Variants in NUBPL observed in about 807,000 individuals in gnomAD.
NUBPL encodes NUBP iron-sulfur cluster assembly factor, mitochondrial, also known as iron-sulfur cluster transfer protein NUBPL.
NUBPL carries 31 observed loss-of-function variants against 45.7 expected under a neutral mutation model. The observed-to-expected ratio is 0.68, with a 90% CI of 0.51 to 0.92. The LOEUF is 0.92. Ranked by LOEUF, NUBPL falls within the 40% of genes least tolerant of loss-of-function variation. The pLI is 0.00. For synonymous variants in NUBPL, 144 were observed against 140.9 expected, an observed-to-expected ratio of 1.02 and a Z score of -0.15; for missense variants, 401 against 398.7, an observed-to-expected ratio of 1.01 and a Z score of -0.05.
chr14:31,621,226 G>A (rs1195589746), intron 4 of NUBPL, among the ~76,000 whole-genome samples: 3 of 152,334 alleles, frequency 2.0e-5, no homozygotes, highest in Non-Finnish European at 2.9e-5. Flanking sequence ...GCTCCGTGGG[G>A]TGGGACTTGC....
chr14:31,812,240 C>G lies in NUBPL; in HGVS notation c.608-14389C>G, dbSNP rs187207914. Among the ~76,000 whole-genome samples the G allele has an allele frequency of 1.8e-3, 280 of 152,306 alleles. 1 individual carries two copies. The highest frequency in any genetic ancestry group is 6.4e-3 in the African/African-American group (266 of 41,576). ...TGCGTTTTGTTCAGCTATGCCCTGC[C>G]TCTAGAGGTGGAGCCTACAGAGACA... On this transcript the variant is annotated intron_variant, in intron 7 of 10. Coordinates refer to ENST00000281081, the MANE Select transcript of NUBPL (RefSeq NM_025152.3).
intron 7 of NUBPL, among the ~76,000 whole-genome samples, chr14:31,799,381 G>C (rs570881046): frequency 6.6e-6 from 1 of 152,262 alleles, no homozygotes; most frequent in Non-Finnish European, 1.5e-5. Context: ...TAATCAGAAA[G>C]ATATTTAGTA....
At chr14:31,654,231 A>C (rs1323683938) in intron 4 of NUBPL, 2 of 311,094 alleles carry the variant, frequency 6.4e-6, no homozygotes, top group Admixed American at 6.7e-5. Flanking sequence ...TATGTCTAAA[A>C]ATATGTATGT....
At chr14:31,562,381 G>C (rs1258644492) in intron 2 of NUBPL, among the ~76,000 whole-genome samples, 166 bp downstream of exon 2, 1 of 152,124 alleles carries the variant, frequency 6.6e-6, no homozygotes, top group East Asian at 1.9e-4. Context: ...AGATTTTGGA[G>C]TTAGACAAAA....
At chr14:31,759,586 A>G (rs1257320036) in intron 6 of NUBPL, among the ~76,000 whole-genome samples, 3 of 151,912 alleles carry the variant, frequency 2.0e-5, no homozygotes, top group Non-Finnish European at 1.5e-5. Context: ...TCTCATAGTA[A>G]TTTTCAACTA....
At chr14:31,616,204 G>T (rs1044713971) in intron 4 of NUBPL, among the ~76,000 whole-genome samples, 1 of 152,116 alleles carries the variant, frequency 6.6e-6, no homozygotes, top group Non-Finnish European at 1.5e-5. Flanking sequence ...CAGATGGATA[G>T]ATTGCAAAAA....
chr14:31,739,333 C>T (rs1229206942), intron 6 of NUBPL, among the ~76,000 whole-genome samples: 1 of 150,748 alleles, frequency 6.6e-6, no homozygotes. Context: ...GATCCGTCCG[C>T]CTTGGCCTCC....
At chr14:31,681,748 T>C (rs2036839883) in intron 6 of NUBPL, among the ~76,000 whole-genome samples, 1 of 152,170 alleles carries the variant, frequency 6.6e-6, no homozygotes. Flanking sequence ...TTCATTGTCA[T>C]TCAGTTAAAA....
At chr14:31,640,368 G>C (rs968364779) in intron 4 of NUBPL, among the ~76,000 whole-genome samples, 8 of 152,164 alleles carry the variant, frequency 5.3e-5, no homozygotes, top group Admixed American at 3.9e-4. Context: ...GGGAGGCCAA[G>C]GTGGGTGGAT....
intron 4 of NUBPL, among the ~76,000 whole-genome samples, chr14:31,646,655 CT>C (rs200388231): frequency 0.029 from 4,428 of 151,968 alleles, 91 homozygotes; most frequent in Middle Eastern, 0.068. Context: ...TGTCGTTGAT[CT>C]TTTTGAGTTT....
chr14:31,811,041 G>C (rs1257075309), intron 7 of NUBPL, among the ~76,000 whole-genome samples: 2 of 152,148 alleles, frequency 1.3e-5, no homozygotes, highest in Non-Finnish European at 2.9e-5. Context: ...CTCTCTGGCT[G>C]CCCTTAGCAT....
chr14:31,841,812 A>G (rs2040372530), intron 8 of NUBPL, among the ~76,000 whole-genome samples: 1 of 147,910 alleles, frequency 6.8e-6, no homozygotes, highest in East Asian at 2.1e-4. Context: ...GGAATGAGGT[A>G]GGAGGTTAAG....
At chr14:31,621,695 G>A (rs755149807) in intron 4 of NUBPL, among the ~76,000 whole-genome samples, 37 of 152,220 alleles carry the variant, frequency 2.4e-4, no homozygotes, top group Admixed American at 4.6e-4. Context: ...CTTCTGCGTC[G>A]ATCTCGCTGG....
intron 6 of NUBPL, among the ~76,000 whole-genome samples, chr14:31,771,480 G>A (rs373306602): frequency 6.6e-6 from 1 of 152,102 alleles, no homozygotes; most frequent in Non-Finnish European, 1.5e-5. Context: ...TGTTCTTGAG[G>A]TTATGAGGAT....
At position 31,846,585 on chromosome 14, in the gene NUBPL, G is replaced by A; in HGVS notation, c.808G>A (p.Val270Ile). The change falls in exon 9 of 11, where the codon GTT becomes ATT. Residue 270 changes from valine (V) to isoleucine (I), a missense_variant. Transcript: ENST00000281081. ...ACTAGCACAGACCCTTGGTCTTGAA[G>A]TTCTAGGTAAGACTGTGGGATGTTC... ...RKLAQTLGLE[V>I]LGDIPLHLNI... is the part of the protein sequence containing the mutation. 4 of 1,613,672 alleles carry A rather than the reference G, an allele frequency of 2.5e-6. No homozygotes were observed. The highest frequency in any genetic ancestry group is 3.4e-6 in the Non-Finnish European group (4 of 1,179,864).
At chr14:31,737,715 C>T (rs970590670) in intron 6 of NUBPL, among the ~76,000 whole-genome samples, 15 of 152,264 alleles carry the variant, frequency 9.9e-5, no homozygotes, top group African/African-American at 3.4e-4. Flanking sequence ...ACCTGGGAGG[C>T]AGAGGTTGTG....
At chr14:31,566,858 A>G (rs142173398) in intron 3 of NUBPL, among the ~76,000 whole-genome samples, 301 of 152,296 alleles carry the variant, frequency 2.0e-3, no homozygotes, top group Non-Finnish European at 3.5e-3. Flanking sequence ...CCACTAGTCA[A>G]GGAATGTAGT....
intron 4 of NUBPL, among the ~76,000 whole-genome samples, chr14:31,599,686 A>G (rs1256747252): frequency 1.3e-5 from 2 of 152,218 alleles, no homozygotes; most frequent in Non-Finnish European, 2.9e-5. Flanking sequence ...CATTTAAGAA[A>G]GATTAATAAA....
chr14:31,604,814 A>G (rs1194345567), intron 4 of NUBPL, among the ~76,000 whole-genome samples: 3 of 152,318 alleles, frequency 2.0e-5, no homozygotes, highest in Non-Finnish European at 4.4e-5. Context: ...TGAATTCAGT[A>G]ATTGAAGATT....
Sources: gnomAD v4.1 joint callset for allele counts (sites outside exome capture counted in the v4.1 genomes callset) on GRCh38, gnomAD v4.1.1 for gene constraint, MANE v1.5 for transcripts, NCBI Gene and HGNC (gene_info 2026-07-23, HGNC 2026-07-21) for gene names.